Variants in ZNF835 observed in about 807,000 individuals in gnomAD.
ZNF835 encodes zinc finger protein 835.
For synonymous variants in ZNF835, 323 were observed against 324.7 expected, an observed-to-expected ratio of 0.99 and a Z score of 0.06; for missense variants, 783 against 758.4, an observed-to-expected ratio of 1.03 and a Z score of -0.38.
chr19:56,663,782 GCTT>G lies in ZNF835; in HGVS notation c.1414_1416del (p.Lys472del). 1 of 1,613,990 alleles carries G rather than the reference GCTT, an allele frequency of 6.2e-7. No individual in the cohort carries two copies. The highest frequency in any genetic ancestry group is 1.3e-5 in the African/African-American group (1 of 75,050). On this transcript the variant is annotated inframe_deletion, in exon 2 of 2. Coordinates refer to ENST00000537055, the MANE Select transcript of ZNF835 (RefSeq NM_001005850.3). ...TTCCCGCAGCCGCTGCACTCGTAGG[GCTT>G]CTCCCCGGTGTGCACGATGTGGTGC...
rs561194297 is a variant in ZNF835 at position 56,663,723 on chromosome 19, G to A, written c.1476C>T (p.His492=). The part of the protein sequence containing the change: ...AFSFSSALIR[H]QRTHADSSGR... ...CCGAACTGTCTGCATGCGTCCTCTG[G>A]TGTCGGATGAGCGCGGAGGAGAAGC... Residue 492 remains histidine, a synonymous_variant, in exon 2 of 2, where the codon CAC becomes CAT. Transcript: ENST00000537055. 141 of 1,614,026 alleles carry A rather than the reference G, an allele frequency of 8.7e-5. 1 individual carries two copies. The South Asian group carries it at 1.4e-3, about 16-fold the overall frequency.
intron 1 of ZNF835, among the ~76,000 whole-genome samples, chr19:56,665,945 G>T (rs1283328577): frequency 6.6e-6 from 1 of 152,174 alleles, no homozygotes; most frequent in East Asian, 1.9e-4. Context: ...GCATGAATCT[G>T]TCAGCTCTTA....
rs1039861014 is a variant in ZNF835 at position 56,665,541 on chromosome 19, C to T, written c.-47-296G>A. The stretch of plus-strand genomic sequence containing the variant: ...TGGTGGCTCATGCCTGCAATCCCAG[C>T]ACTTTGGGAGGCCAAGGCAGGTGGT... On this transcript the variant is annotated intron_variant, in intron 1 of 1. Transcript: ENST00000537055. The T allele has an allele frequency of 9.2e-6, 5 of 545,794 alleles. No homozygotes were observed. The African/African-American group carries it at 9.4e-5, about 10-fold the overall frequency. The allele number at this position is 545,794 out of a possible 1,614,324, so 33.8% of individuals were successfully genotyped here.
At position 56,663,888 on chromosome 19, in the gene ZNF835, C is replaced by G; in HGVS notation, c.1311G>C (p.Gln437His). The change falls in exon 2 of 2, where the codon CAG (glutamine) becomes CAC (histidine). Residue 437 changes from glutamine (Q) to histidine (H), a missense_variant. Physicochemically the swap from Gln to His is conservative, Grantham distance 24. Transcript: ENST00000537055. ...FSQGSSLALH[Q>H]RTHTGERPYT... is the part of the protein sequence containing the mutation. ...AGGGCCGCTCGCCCGTGTGCGTGCG[C>G]TGGTGCAGGGCGAGCGAGGAGCCCT... 6.2e-7 allele frequency: 1 copy of G among 1,612,674 alleles called. No individual in the cohort carries two copies. Among genetic ancestry groups the G allele is most frequent in the South Asian group, 1.1e-5 (1 of 91,048 alleles).
chr19:56,666,729 T>C (rs979066812), intron 1 of ZNF835, among the ~76,000 whole-genome samples: 4 of 152,126 alleles, frequency 2.6e-5, no homozygotes, highest in African/African-American at 9.7e-5. Context: ...TGGAGGATGA[T>C]TAGGTCATGA....
chr19:56,663,789 C>G lies in ZNF835; in HGVS notation c.1410G>C (p.Gly470=), dbSNP rs1309126218. 1 of 1,613,378 alleles carries G rather than the reference C, an allele frequency of 6.2e-7. No homozygotes were observed. The highest frequency in any genetic ancestry group is 8.5e-7 in the Non-Finnish European group (1 of 1,179,760). The change falls in exon 2 of 2, where the codon GGG becomes GGC. Residue 470 remains glycine (G), a synonymous_variant. Transcript: ENST00000537055. ...YLIQHHIVHT[G]EKPYECSGCG... Reference sequence around the variant, plus strand: ...AGCCGCTGCACTCGTAGGGCTTCTCCCCGGTGTGCACGATGTGGTGCTGGA... The same window carrying G: ...AGCCGCTGCACTCGTAGGGCTTCTCGCCGGTGTGCACGATGTGGTGCTGGA...
chr19:56,664,620 C>G lies in ZNF835; in HGVS notation c.579G>C (p.Pro193=), dbSNP rs903436119. The change falls in exon 2 of 2, where the codon CCG becomes CCC. Residue 193 remains proline (P), a synonymous_variant. Transcript: ENST00000537055. ...SHWRTHTGEK[P]HRCADCGKAF... ...CCTTGCCGCAGTCGGCGCAGCGGTG[C>G]GGCTTCTCGCCCGTGTGCGTGCGCC... The G allele has an allele frequency of 1.2e-6, 2 of 1,600,874 alleles. No homozygotes were observed. The highest frequency in any genetic ancestry group is 1.4e-5 in the African/African-American group (1 of 73,318).
At chr19:56,666,609 A>T (rs76980696) in intron 1 of ZNF835, among the ~76,000 whole-genome samples, 1 of 152,044 alleles carries the variant, frequency 6.6e-6, no homozygotes, top group Non-Finnish European at 1.5e-5. Context: ...CTAATCTGTG[A>T]TTTTTTTTGT....
Position 56,663,304 on chromosome 19 carries a change from G to A in ZNF835, c.*281C>T, listed in dbSNP as rs192568504. ...ACTGCACTCTAGCCTGGGTGACAGAGAGAGACACTGTCTCAAAGAAAAAAA... is the reference window on the plus strand; with the variant it reads ...ACTGCACTCTAGCCTGGGTGACAGAAAGAGACACTGTCTCAAAGAAAAAAA... On this transcript the variant is annotated 3_prime_UTR_variant, in exon 2 of 2. Transcript: ENST00000537055. 2.5e-5 allele frequency: 12 copies of A among 489,760 alleles called. No homozygotes were observed. The Admixed American group carries it at 2.8e-4, about 11-fold the overall frequency. 30.3% of individuals were successfully genotyped at this position (489,760 alleles called of 1,614,324 possible).
In ZNF835 at chr19:56,663,060, C is replaced by A. The variant is rs937739375; in HGVS notation, c.*525G>T. 6.5e-6 allele frequency: 1 copy of A among 153,754 alleles called. No homozygotes were observed. Among genetic ancestry groups the A allele is most frequent in the African/African-American group, 2.4e-5 (1 of 41,000 alleles). 9.5% of individuals were successfully genotyped at this position (153,754 alleles called of 1,614,324 possible). ...CCTGTAGTCCCAGCTACTCGGGAGG[C>A]TGAGGTAGGGGAATCACTTGAACCC... is the stretch of plus-strand genomic sequence containing the variant. On this transcript the variant is annotated 3_prime_UTR_variant, in exon 2 of 2. Transcript: ENST00000537055.
intron 1 of ZNF835, among the ~76,000 whole-genome samples, chr19:56,670,680 G>A (rs2045281664): frequency 6.6e-6 from 1 of 152,196 alleles, no homozygotes; most frequent in Non-Finnish European, 1.5e-5. Context: ...GTCACACTCG[G>A]TGGATAGAGC....
Position 56,664,096 on chromosome 19 carries a change from C to G in ZNF835, c.1103G>C (p.Gly368Ala). Residue 368 changes from glycine to alanine, a missense_variant, in exon 2 of 2, where the codon GGC (glycine) becomes GCC (alanine). Coordinates refer to ENST00000537055, the MANE Select transcript of ZNF835 (RefSeq NM_001005850.3). ...GERPYPCHDC[G>A]KRFSNRSHLL... ...GTGGGAGCGGTTGCTGAAGCGCTTG[C>G]CGCAGTCGTGGCAGGGGTAAGGCCG... 1 of 1,599,488 alleles carries G rather than the reference C, an allele frequency of 6.3e-7. No individual in the cohort carries two copies. The highest frequency in any genetic ancestry group is 8.5e-7 in the Non-Finnish European group (1 of 1,170,296).
At chr19:56,670,567 T>C (rs950288434) in intron 1 of ZNF835, among the ~76,000 whole-genome samples, 24 of 152,094 alleles carry the variant, frequency 1.6e-4, no homozygotes, top group African/African-American at 5.8e-4. Flanking sequence ...GCTCCCTGTG[T>C]GAAGAGGTGC....
chr19:56,664,436 A>C lies in ZNF835; in HGVS notation c.763T>G (p.Cys255Gly). 1 of 1,612,490 alleles carries C rather than the reference A, an allele frequency of 6.2e-7. No individual in the cohort carries two copies. The highest frequency in any genetic ancestry group is 8.5e-7 in the Non-Finnish European group (1 of 1,179,272). The stretch of plus-strand genomic sequence containing the variant: ...GAGGAGAAGCGGAAGGCCTTGGCGC[A>C]CGCGGAGCACTCGTAGGGCTTCTCA... ...TGEKPYECSA[C>G]AKAFRFSSAL... The change falls in exon 2 of 2, where the codon TGC (cysteine) becomes GGC (glycine). Residue 255 changes from cysteine (C) to glycine (G), a missense_variant. Coordinates refer to ENST00000537055, the MANE Select transcript of ZNF835 (RefSeq NM_001005850.3).
chr19:56,667,958 GTTTC>G (rs551526012), intron 1 of ZNF835, among the ~76,000 whole-genome samples: 15 of 152,126 alleles, frequency 9.9e-5, no homozygotes, highest in Middle Eastern at 3.4e-3. Context: ...AATAAATGCT[GTTTC>G]TTTCTTTCTT....
At chr19:56,667,091 G>A (rs892618206) in intron 1 of ZNF835, among the ~76,000 whole-genome samples, 2 of 152,216 alleles carry the variant, frequency 1.3e-5, no homozygotes, top group African/African-American at 4.8e-5. Flanking sequence ...CACATTTTCA[G>A]TGGAAAGCAG....
At chr19:56,666,028 T>C (rs1600631849) in intron 1 of ZNF835, among the ~76,000 whole-genome samples, 1 of 108,508 alleles carries the variant, frequency 9.2e-6, no homozygotes, top group Non-Finnish European at 2.1e-5. Flanking sequence ...AAGCCCTAAC[T>C]CCCAAGGTGA....
chr19:56,666,153 T>C (rs1471555821), intron 1 of ZNF835, among the ~76,000 whole-genome samples: 1 of 152,080 alleles, frequency 6.6e-6, no homozygotes, highest in African/African-American at 2.4e-5. Context: ...CTTGCTCTGT[T>C]GCCCAGGCTG....
In ZNF835 at chr19:56,665,108, G is replaced by T. The variant is rs1600631060; in HGVS notation, c.91C>A (p.Gln31Lys). 3 of 1,614,004 alleles carry T rather than the reference G, an allele frequency of 1.9e-6. No homozygotes were observed. The change falls in exon 2 of 2, where the codon CAG (glutamine) becomes AAG (lysine). Residue 31 changes from glutamine (Q) to lysine (K), a missense_variant. By Grantham distance (53) the Gln-to-Lys change is moderately conservative. Coordinates refer to ENST00000537055, the MANE Select transcript of ZNF835 (RefSeq NM_001005850.3). The part of the protein sequence containing the change: ...EGQVEDLQEN[Q>K]ESCPEPEAVA... ...GCCTCTGGCTCTGGACAGCTTTCCTGGTTTTCCTGCAGGTCCTCAACCTGG... is the reference window on the plus strand; with the variant it reads ...GCCTCTGGCTCTGGACAGCTTTCCTTGTTTTCCTGCAGGTCCTCAACCTGG...
Sources: gnomAD v4.1 joint callset for allele counts (sites outside exome capture counted in the v4.1 genomes callset) on GRCh38, gnomAD v4.1.1 for gene constraint, MANE v1.5 for transcripts, NCBI Gene and HGNC (gene_info 2026-07-23, HGNC 2026-07-21) for gene names.